The following PCSK5 variants were observed in gnomAD, a reference collection of about 807,000 sequenced individuals.
PCSK5 encodes the protein proprotein convertase subtilisin/kexin type 5.
Under a neutral mutation model 233.2 loss-of-function variants are expected in PCSK5, and 129 were observed. The observed-to-expected ratio is 0.55, with a 90% confidence interval of 0.48 to 0.64. The LOEUF (loss-of-function observed/expected upper bound fraction) is 0.64, where lower values mean the gene tolerates loss of function less well. Among genes scored for constraint, PCSK5 ranks in the 30% least tolerant of loss-of-function variants. PCSK5 has a pLI of 0.00. For missense variants in PCSK5, 2,076 were observed against 2,430.1 expected, an observed-to-expected ratio of 0.85 and a Z score of 3.06; for synonymous variants, 825 against 879.2, an observed-to-expected ratio of 0.94 and a Z score of 1.09.
intron 28 of PCSK5, among the ~76,000 whole-genome samples, chr9:76,302,970 T>C (rs1828660180): frequency 6.8e-6 from 1 of 147,410 alleles, no homozygotes; most frequent in South Asian, 2.2e-4. Flanking sequence ...TTTTTTTTTT[T>C]TTTTTTTTTT....
At position 76,071,709 on chromosome 9, in the gene PCSK5, T is replaced by A. The variant is rs1830487428; in HGVS notation, c.722-17T>A. 1 of 1,604,160 alleles carries A rather than the reference T, an allele frequency of 6.2e-7. No homozygotes were observed. Among genetic ancestry groups the A allele is most frequent in the African/African-American group, 1.3e-5 (1 of 74,674 alleles). ...GGGAAGCCCTGTAATGAGCTAGTTC[T>A]CCTTTCTGTGTTGAAGGAGTGCGAA... On this transcript the variant is annotated splice_polypyrimidine_tract_variant and intron_variant, in intron 6 of 37. Coordinates refer to ENST00000674117, the MANE Select transcript of PCSK5 (RefSeq NM_001372043.1).
intron 24 of PCSK5, among the ~76,000 whole-genome samples, chr9:76,248,480 G>A (rs67513896): frequency 0.082 from 12,504 of 152,192 alleles, 687 homozygotes; most frequent in Admixed American, 0.13. Context: ...CAGTTCAGCT[G>A]TCATGTATTT....
intron 11 of PCSK5, among the ~76,000 whole-genome samples, 166 bp downstream of exon 11, chr9:76,157,328 A>C (rs1371915731): frequency 1.3e-5 from 2 of 152,196 alleles, no homozygotes; most frequent in Non-Finnish European, 2.9e-5. Context: ...TGAGCGGTTA[A>C]ATTCGTACTA....
chr9:75,994,396 C>CTTT (rs1826907729), intron 3 of PCSK5, among the ~76,000 whole-genome samples: 11 of 68,312 alleles, frequency 1.6e-4, no homozygotes, highest in African/African-American at 3.8e-4. Context: ...TTCTTTCTTT[C>CTTT]TTTCTTTTTT....
intron 5 of PCSK5, among the ~76,000 whole-genome samples, chr9:76,060,271 T>G (rs1227596918): frequency 2.6e-5 from 4 of 152,208 alleles, no homozygotes; most frequent in Non-Finnish European, 5.9e-5. Context: ...GAAGCCTTAT[T>G]AATAAAAATA....
chr9:76,322,455 C>T (rs944542269), intron 31 of PCSK5, among the ~76,000 whole-genome samples: 4 of 152,136 alleles, frequency 2.6e-5, no homozygotes, highest in Non-Finnish European at 4.4e-5. Context: ...AATTTTCTCT[C>T]CAGAATAAGA....
intron 3 of PCSK5, among the ~76,000 whole-genome samples, chr9:76,004,630 T>C (rs774949576): frequency 2.0e-5 from 3 of 152,360 alleles, no homozygotes; most frequent in Non-Finnish European, 2.9e-5. Context: ...TTTACTCTGC[T>C]GTTTTTTAAA....
intron 37 of PCSK5, 77 bp downstream of exon 37, chr9:76,354,296 A>T: frequency 8.4e-7 from 1 of 1,196,518 alleles, no homozygotes; most frequent in Non-Finnish European, 1.2e-6. Context: ...GGAGGGGGGG[A>T]TGGAAAGTTC....
At chr9:75,918,538 C>T (rs1823106173) in intron 1 of PCSK5, among the ~76,000 whole-genome samples, 1 of 152,200 alleles carries the variant, frequency 6.6e-6, no homozygotes, top group Admixed American at 6.5e-5. Flanking sequence ...GCTGATAGCA[C>T]TTAGGAGACA....
At chr9:76,078,521 TA>T (rs1175079547) in intron 7 of PCSK5, among the ~76,000 whole-genome samples, 1 of 152,204 alleles carries the variant, frequency 6.6e-6, no homozygotes, top group African/African-American at 2.4e-5. Context: ...CAGCACTATT[TA>T]TTGAATAGGG....
chr9:76,223,068 G>T (rs1825781823), intron 20 of PCSK5, among the ~76,000 whole-genome samples: 1 of 152,024 alleles, frequency 6.6e-6, no homozygotes, highest in South Asian at 2.1e-4. Context: ...ATACCCCAAG[G>T]TTACTCACTG....
intron 24 of PCSK5, among the ~76,000 whole-genome samples, chr9:76,263,804 T>C (rs1282530691): frequency 6.6e-6 from 1 of 150,942 alleles, no homozygotes; most frequent in African/African-American, 2.4e-5. Flanking sequence ...AAAAAAGAAA[T>C]CAGAGATGAC....
chr9:76,277,723 A>C (rs569982652), intron 24 of PCSK5, among the ~76,000 whole-genome samples: 3 of 152,376 alleles, frequency 2.0e-5, no homozygotes, highest in Admixed American at 6.5e-5. Context: ...ACCTTCCAGA[A>C]AAATCAGCTT....
At chr9:76,312,355 C>G (rs1435152613) in intron 30 of PCSK5, among the ~76,000 whole-genome samples, 1 of 151,850 alleles carries the variant, frequency 6.6e-6, no homozygotes, top group Non-Finnish European at 1.5e-5. Context: ...ACTAAAAATA[C>G]AAAATTAGCC....
At chr9:76,000,960 G>A (rs921145477) in intron 3 of PCSK5, among the ~76,000 whole-genome samples, 2 of 151,422 alleles carry the variant, frequency 1.3e-5, no homozygotes, top group African/African-American at 4.9e-5. Flanking sequence ...CAATATGAGT[G>A]TTGTGATTCT....
chr9:75,891,049 C>G lies in PCSK5; in HGVS notation c.-133C>G, dbSNP rs1564062886. 1.3e-6 allele frequency: 1 copy of G among 784,290 alleles called. No individual in the cohort carries two copies. Among genetic ancestry groups the G allele is most frequent in the African/African-American group, 1.8e-5 (1 of 54,134 alleles). 48.6% of individuals were successfully genotyped at this position (784,290 alleles called of 1,614,324 possible). A position where few individuals can be genotyped will look rare whatever the true frequency, so the allele number is the denominator to read the frequency against. On this transcript the variant is annotated 5_prime_UTR_variant, in exon 1 of 38. Coordinates refer to ENST00000674117, the MANE Select transcript of PCSK5 (RefSeq NM_001372043.1). ...CCTGCCGGGGCTAGCCGCCTCCTGCCGATCGCCCGGGGCTGCGAGCTGCGG... is the reference window on the plus strand; with the variant it reads ...CCTGCCGGGGCTAGCCGCCTCCTGCGGATCGCCCGGGGCTGCGAGCTGCGG...
At chr9:75,958,903 A>C (rs566989306) in intron 2 of PCSK5, among the ~76,000 whole-genome samples, 1 of 152,378 alleles carries the variant, frequency 6.6e-6, no homozygotes, top group Non-Finnish European at 1.5e-5. Flanking sequence ...TGTGTCGCTT[A>C]ACAAGGAATT....
intron 8 of PCSK5, among the ~76,000 whole-genome samples, chr9:76,100,918 CAA>C (rs1466465131): frequency 6.6e-6 from 1 of 152,116 alleles, no homozygotes; most frequent in Non-Finnish European, 1.5e-5. Flanking sequence ...TCCTGATGTG[CAA>C]AGTCCCGTCT....
chr9:75,933,126 G>A (rs973752174), intron 2 of PCSK5, among the ~76,000 whole-genome samples: 2 of 152,144 alleles, frequency 1.3e-5, no homozygotes, highest in South Asian at 2.1e-4. Flanking sequence ...AGGTTCTCCC[G>A]TTTTAGAGAA....
Sources: allele counts gnomAD v4.1 joint callset (sites outside exome capture counted in the v4.1 genomes callset), GRCh38; gene constraint gnomAD v4.1.1; transcripts MANE v1.5; gene names NCBI Gene and HGNC (gene_info 2026-07-23, HGNC 2026-07-21).